The following CADM2 variants were observed in gnomAD, a reference collection of about 807,000 sequenced individuals.
CADM2 encodes the protein immunoglobulin superfamily member 4D.
A neutral mutation model predicts 49.8 loss-of-function variants in CADM2; 12 were observed. That is an observed-to-expected ratio of 0.24 (90% confidence interval 0.15 to 0.39). The LOEUF is 0.39. Ranked by LOEUF, CADM2 falls within the 10% of genes least tolerant of loss-of-function variation. The probability of loss-of-function intolerance (pLI) is 1.00; values close to 1 mark genes in which losing one functional copy is unlikely to be tolerated. For missense variants in CADM2, 378 were observed against 492.3 expected, an observed-to-expected ratio of 0.77 and a Z score of 2.20; for synonymous variants, 214 against 175.4, an observed-to-expected ratio of 1.22 and a Z score of -1.74.
chr3:85,629,636 T>C (rs1290841540), intron 1 of CADM2, among the ~76,000 whole-genome samples: 1 of 152,014 alleles, frequency 6.6e-6, no homozygotes, highest in Non-Finnish European at 1.5e-5. Flanking sequence ...ACAATAGAAC[T>C]ATGAAGTTGA....
At chr3:85,399,409 G>A (rs1385119946) in intron 1 of CADM2, among the ~76,000 whole-genome samples, 1 of 152,176 alleles carries the variant, frequency 6.6e-6, no homozygotes, top group African/African-American at 2.4e-5. Context: ...GTCAGGTAGT[G>A]TGATGCCTCC....
At chr3:85,175,565 G>T (rs549446825) in intron 1 of CADM2, among the ~76,000 whole-genome samples, 1 of 152,218 alleles carries the variant, frequency 6.6e-6, no homozygotes, top group South Asian at 2.1e-4. Context: ...CAGAAAGAAG[G>T]TGGTTACCAA....
At chr3:85,543,421 T>TGTGTGTGGGGGTGTGTGTGTGTATGG (rs1491106808) in intron 1 of CADM2, among the ~76,000 whole-genome samples, 1 of 41,852 alleles carries the variant, frequency 2.4e-5, no homozygotes, top group Non-Finnish European at 4.7e-5. Flanking sequence ...GCCAAGCTAA[T>TGTGTGTGGGGGTGTGTGTGTGTATGG]GTGTGTGTGT....
At chr3:85,290,367 C>T (rs905549715) in intron 1 of CADM2, among the ~76,000 whole-genome samples, 2 of 152,178 alleles carry the variant, frequency 1.3e-5, no homozygotes, top group Non-Finnish European at 2.9e-5. Context: ...GGGGGAGGGG[C>T]GCCCGCCATT....
intron 7 of CADM2, among the ~76,000 whole-genome samples, chr3:85,937,876 A>G (rs1289131561): frequency 6.6e-6 from 1 of 152,054 alleles, no homozygotes; most frequent in Non-Finnish European, 1.5e-5. Context: ...AACGTCTTCA[A>G]AGTAAAGTAG....
intron 1 of CADM2, among the ~76,000 whole-genome samples, chr3:85,455,113 G>C (rs1156840799): frequency 6.6e-6 from 1 of 152,154 alleles, no homozygotes; most frequent in Non-Finnish European, 1.5e-5. Flanking sequence ...TGAAATTCCA[G>C]TGTATGCTTC....
At chr3:85,529,137 G>A (rs1047268993) in intron 1 of CADM2, among the ~76,000 whole-genome samples, 3 of 152,148 alleles carry the variant, frequency 2.0e-5, no homozygotes, top group Non-Finnish European at 2.9e-5. Flanking sequence ...TTGATAATGA[G>A]TGTCAAGACC....
At chr3:85,753,028 T>C (rs1185978001) in intron 2 of CADM2, among the ~76,000 whole-genome samples, 2 of 152,136 alleles carry the variant, frequency 1.3e-5, no homozygotes, top group Non-Finnish European at 2.9e-5. Context: ...ATTTTTGTCA[T>C]GCAGCTGCAA....
intron 1 of CADM2, among the ~76,000 whole-genome samples, chr3:85,021,896 TGCTAACTTA>T (rs2034528556): frequency 6.6e-6 from 1 of 152,236 alleles, no homozygotes; most frequent in Admixed American, 6.5e-5. Context: ...GTGTGGGGAT[TGCTAACTTA>T]GCTGATGGAG....
At chr3:85,163,546 A>C (rs1197342468) in intron 1 of CADM2, among the ~76,000 whole-genome samples, 2 of 152,014 alleles carry the variant, frequency 1.3e-5, no homozygotes, top group Non-Finnish European at 2.9e-5. Flanking sequence ...GACCCTCAGG[A>C]TTTTACGCCC....
chr3:86,046,641 A>T (rs1736721151), intron 8 of CADM2, among the ~76,000 whole-genome samples: 1 of 152,164 alleles, frequency 6.6e-6, no homozygotes, highest in African/African-American at 2.4e-5. Flanking sequence ...AGTAGGGCCA[A>T]GATTGAGAAA....
At chr3:85,515,631 A>ATATATATTTTTT (rs1159969286) in intron 1 of CADM2, among the ~76,000 whole-genome samples, 51 of 118,398 alleles carry the variant, frequency 4.3e-4, no homozygotes, top group African/African-American at 1.6e-3. Context: ...ATATATATAT[A>ATATATATTTTTT]TTTTTTTTTT....
chr3:85,804,883 T>A (rs1204271357), intron 3 of CADM2, among the ~76,000 whole-genome samples: 4 of 152,190 alleles, frequency 2.6e-5, no homozygotes, highest in Non-Finnish European at 4.4e-5. Context: ...TATTCCTGCA[T>A]CTTTACACTG....
intron 1 of CADM2, among the ~76,000 whole-genome samples, chr3:85,410,501 A>G (rs1488191584): frequency 1.3e-5 from 2 of 152,172 alleles, no homozygotes; most frequent in East Asian, 1.9e-4. Flanking sequence ...AGGCACTAAG[A>G]TCTATCTCTT....
intron 1 of CADM2, among the ~76,000 whole-genome samples, chr3:85,188,525 T>C (rs975924702): frequency 6.6e-6 from 1 of 152,182 alleles, no homozygotes; most frequent in Admixed American, 6.5e-5. Flanking sequence ...TCTATTGATA[T>C]ATAGTTTGCA....
intron 8 of CADM2, among the ~76,000 whole-genome samples, chr3:85,980,760 A>C (rs1342726831): frequency 3.3e-5 from 5 of 151,618 alleles, no homozygotes; most frequent in Non-Finnish European, 1.5e-5. Context: ...AATAAAATGT[A>C]ATCATTGCAT....
chr3:85,962,029 C>T (rs369651362), intron 8 of CADM2, among the ~76,000 whole-genome samples: 6 of 151,772 alleles, frequency 4.0e-5, no homozygotes, highest in African/African-American at 1.5e-4. Flanking sequence ...CTCCACCTCC[C>T]GGGTTCAAGC....
chr3:86,062,595 T>G (rs1408550586), intron 8 of CADM2, among the ~76,000 whole-genome samples: 1 of 151,810 alleles, frequency 6.6e-6, no homozygotes, highest in Admixed American at 6.6e-5. Context: ...CTGGCCAACA[T>G]GGTGAAACCC....
intron 1 of CADM2, among the ~76,000 whole-genome samples, chr3:85,037,561 T>C (rs1010764484): frequency 6.6e-6 from 1 of 152,240 alleles, no homozygotes; most frequent in Non-Finnish European, 1.5e-5. Context: ...CAATGCCTTC[T>C]ATCTTTACAG....
Sources: gnomAD v4.1 joint callset for allele counts (sites outside exome capture counted in the v4.1 genomes callset) on GRCh38, gnomAD v4.1.1 for gene constraint, MANE v1.5 for transcripts, NCBI Gene and HGNC (gene_info 2026-07-23, HGNC 2026-07-21) for gene names.